The following NELFA variants were observed in gnomAD, a reference collection of about 807,000 sequenced individuals.
NELFA encodes negative elongation factor A.
NELFA carries 35 observed loss-of-function variants against 51.8 expected under a neutral mutation model. That is an observed-to-expected ratio of 0.68 (90% CI 0.52 to 0.90). The LOEUF is 0.90. Ranked by LOEUF, NELFA falls within the 40% of genes least tolerant of loss-of-function variation. NELFA has a pLI of 0.00. For missense variants in NELFA, 658 were observed against 746.4 expected, an observed-to-expected ratio of 0.88 and a Z score of 1.38; for synonymous variants, 417 against 338.4, an observed-to-expected ratio of 1.23 and a Z score of -2.55.
At chr4:2,008,135 C>G (rs1728760409) in intron 1 of NELFA, 1 of 433,132 alleles carries the variant, frequency 2.3e-6, no homozygotes. Context: ...GGGTTTCTCT[C>G]GGGATCCCCG....
intron 1 of NELFA, among the ~76,000 whole-genome samples, chr4:2,005,944 C>T (rs942032381): frequency 6.6e-6 from 1 of 152,144 alleles, no homozygotes; most frequent in Admixed American, 6.6e-5. Context: ...GCAAGTTCAG[C>T]TCAGCCTTAA....
intron 4 of NELFA, chr4:1,986,617 A>C (rs1728108477): frequency 3.8e-5 from 23 of 597,694 alleles, no homozygotes; most frequent in East Asian, 1.0e-4. Flanking sequence ...ACACCAAACA[A>C]AGACAGCGGC....
At chr4:1,996,401 G>A (rs570889505) in intron 1 of NELFA, among the ~76,000 whole-genome samples, 6 of 152,226 alleles carry the variant, frequency 3.9e-5, no homozygotes, top group Admixed American at 2.0e-4. Flanking sequence ...ATGGACATAC[G>A]CACATACACA....
intron 4 of NELFA, chr4:1,987,452 G>A (rs535354015): frequency 7.8e-4 from 124 of 158,580 alleles, no homozygotes; most frequent in Non-Finnish European, 1.4e-3. Flanking sequence ...GGTGCGGGGG[G>A]CACAGCCCCA....
At chr4:1,998,167 A>G (rs1728482838) in intron 1 of NELFA, among the ~76,000 whole-genome samples, 1 of 152,162 alleles carries the variant, frequency 6.6e-6, no homozygotes, top group Non-Finnish European at 1.5e-5. Context: ...CTGAAACTAG[A>G]CAAACTCACG....
chr4:2,008,695 T>G (rs1024897069), intron 1 of NELFA, 55 bp downstream of exon 1: 3 of 1,547,750 alleles, frequency 1.9e-6, no homozygotes, highest in East Asian at 2.4e-5. Flanking sequence ...GGTGTGCGGG[T>G]CGGAGGTGGG....
At chr4:1,997,293 C>A (rs369205194) in intron 1 of NELFA, among the ~76,000 whole-genome samples, 26 of 152,240 alleles carry the variant, frequency 1.7e-4, no homozygotes, top group African/African-American at 5.8e-4. Flanking sequence ...CATTACAAAT[C>A]CTTTTTTAAG....
At chr4:1,987,849 G>C (rs560773393) in intron 4 of NELFA, 69 bp downstream of exon 4, 1 of 1,294,710 alleles carries the variant, frequency 7.7e-7, no homozygotes, top group Non-Finnish European at 1.1e-6. Context: ...AACAGGGAGC[G>C]GGTCTCCAGG....
At chr4:1,995,491 T>A (rs1446350641) in intron 1 of NELFA, among the ~76,000 whole-genome samples, 1 of 152,192 alleles carries the variant, frequency 6.6e-6, no homozygotes, top group Admixed American at 6.5e-5. Flanking sequence ...TTATAAACCT[T>A]TTTTTAAATA....
chr4:1,994,414 A>C (rs1728366290), intron 1 of NELFA, among the ~76,000 whole-genome samples: 1 of 152,046 alleles, frequency 6.6e-6, no homozygotes, highest in African/African-American at 2.4e-5. Context: ...AAAATACAAA[A>C]ATTAGCCAGG....
At chr4:1,990,272 G>A in intron 2 of NELFA, 1 of 392,204 alleles carries the variant, frequency 2.5e-6, no homozygotes, top group Admixed American at 2.8e-5. Flanking sequence ...GGGTAGCCAG[G>A]CTGGTGGTCT....
intron 2 of NELFA, among the ~76,000 whole-genome samples, chr4:1,990,208 C>T (rs1379493103): frequency 6.6e-6 from 1 of 152,072 alleles, no homozygotes; most frequent in Admixed American, 6.6e-5. Context: ...TAACAGATCC[C>T]ACCCCCACGT....
At chr4:1,992,967 C>T (rs1300762257) in intron 1 of NELFA, among the ~76,000 whole-genome samples, 1 of 152,216 alleles carries the variant, frequency 6.6e-6, no homozygotes, top group African/African-American at 2.4e-5. Flanking sequence ...GCCCCGGGCC[C>T]TCACTCCCGA....
intron 2 of NELFA, 44 bp downstream of exon 2, chr4:1,991,500 T>C (rs1311457664): frequency 6.3e-7 from 1 of 1,590,404 alleles, no homozygotes; most frequent in South Asian, 1.1e-5. Context: ...TCAAGAAAGA[T>C]CCATTTCCCT....
intron 1 of NELFA, among the ~76,000 whole-genome samples, chr4:1,998,272 C>T (rs897675532): frequency 6.6e-5 from 10 of 151,770 alleles, no homozygotes; most frequent in South Asian, 2.1e-4. Flanking sequence ...CCAAAAAGGG[C>T]GCAGAACTAG....
At chr4:2,000,288 G>C (rs747784642) in intron 1 of NELFA, among the ~76,000 whole-genome samples, 16 of 151,846 alleles carry the variant, frequency 1.1e-4, no homozygotes, top group Non-Finnish European at 2.2e-4. Flanking sequence ...ACTAAGATCA[G>C]ACAAGAATTA....
chr4:1,996,151 G>T (rs953909511), intron 1 of NELFA, among the ~76,000 whole-genome samples: 7 of 152,166 alleles, frequency 4.6e-5, no homozygotes, highest in African/African-American at 1.4e-4. Flanking sequence ...CCATTAAGCA[G>T]ATCTTAAATT....
rs1163886065 is a variant in NELFA, at chr4:1,983,633, C to G, written c.1365G>C (p.Glu455Asp). The change falls in exon 10 of 11, where the codon GAG (glutamate) becomes GAC (aspartate). Residue 455 changes from glutamate (E) to aspartate (D), a missense_variant. This residue lies in a region of NELFA where 87 missense variants were observed against 130.2 expected (regional missense o/e 0.67). Coordinates refer to ENST00000382882, the MANE Select transcript of NELFA (RefSeq NM_005663.5). ...CCATGAAGCCCAGGATGAGGGCCTT[C>G]TCGGGCCGCGTGACTTTGTTGGCCG... The part of the protein sequence containing the change: ...FKTANKVTRP[E>D]KALILGFMAG... The G allele has an allele frequency of 1.2e-6, 2 of 1,613,996 alleles. No homozygotes were observed. Among genetic ancestry groups the G allele is most frequent in the Non-Finnish European group, 1.7e-6 (2 of 1,180,012 alleles).
At chr4:1,992,928 G>T (rs1728314682) in intron 1 of NELFA, among the ~76,000 whole-genome samples, 1 of 152,216 alleles carries the variant, frequency 6.6e-6, no homozygotes. Flanking sequence ...GGCAACCAGG[G>T]AGGGTGTCGC....
Sources: allele counts gnomAD v4.1 joint callset (sites outside exome capture counted in the v4.1 genomes callset), GRCh38; gene constraint gnomAD v4.1.1; regional missense constraint gnomAD v4.1.1; transcripts MANE v1.5; gene names NCBI Gene and HGNC (gene_info 2026-07-23, HGNC 2026-07-21).